Variants in RFX4 observed in about 807,000 individuals in gnomAD.
RFX4 encodes regulatory factor X4.
In RFX4, 10 loss-of-function variants were observed where a neutral mutation model predicts 95.0. That is an observed-to-expected ratio of 0.11 (90% CI 0.06 to 0.18). RFX4 has a LOEUF of 0.18. Ranked by LOEUF, RFX4 falls within the 10% of genes least tolerant of loss-of-function variation. The pLI is 1.00. For missense variants in RFX4, 640 were observed against 922.0 expected (o/e 0.69, Z 3.96); for synonymous variants, 321 against 340.7 (o/e 0.94, Z 0.64).
At chr12:106,646,027 A>T (rs2137297640) in intron 3 of RFX4, 2 of 1,077,420 alleles carry the variant, frequency 1.9e-6, no homozygotes, top group Middle Eastern at 2.3e-4. Context: ...TTTTAAAAAA[A>T]GTATTTTGTG....
chr12:106,621,154 C>T (rs778398376), intron 2 of RFX4, among the ~76,000 whole-genome samples: 5 of 152,000 alleles, frequency 3.3e-5, no homozygotes, highest in Non-Finnish European at 7.4e-5. Context: ...CCTCAGCTTA[C>T]GAATATAACA....
At chr12:106,643,700 T>G (rs2040683321) in intron 3 of RFX4, among the ~76,000 whole-genome samples, 1 of 152,180 alleles carries the variant, frequency 6.6e-6, no homozygotes, top group African/African-American at 2.4e-5. Context: ...CTTTGTCTAA[T>G]TTTCTTCTTC....
intron 3 of RFX4, 150 bp downstream of exon 3, chr12:106,639,542 A>G: frequency 1.4e-6 from 1 of 705,302 alleles, no homozygotes; most frequent in Non-Finnish European, 2.3e-6. Context: ...TATATGTAAA[A>G]TGCTCAACTA....
chr12:106,741,906 T>C (rs2042811952), intron 15 of RFX4, among the ~76,000 whole-genome samples: 1 of 152,176 alleles, frequency 6.6e-6, no homozygotes, highest in Non-Finnish European at 1.5e-5. Context: ...GTGCAGTTCA[T>C]AGGGTTCACA....
At chr12:106,750,571 A>G in intron 16 of RFX4, 84 bp from the exon 17 acceptor site, 1 of 1,294,562 alleles carries the variant, frequency 7.7e-7, no homozygotes. Context: ...AAAGGAAAAA[A>G]AATAGATGAG....
intron 4 of RFX4, among the ~76,000 whole-genome samples, chr12:106,669,657 T>G (rs994882441): frequency 2.6e-5 from 4 of 152,062 alleles, no homozygotes; most frequent in African/African-American, 9.7e-5. Context: ...AGGGCACTCT[T>G]GAGGCATCTT....
intron 17 of RFX4, among the ~76,000 whole-genome samples, chr12:106,753,108 T>C (rs2043039620): frequency 6.6e-6 from 1 of 152,178 alleles, no homozygotes; most frequent in African/African-American, 2.4e-5. Context: ...ACACTTTCCC[T>C]GTCTTTGGCA....
intron 2 of RFX4, among the ~76,000 whole-genome samples, chr12:106,632,013 T>G (rs2040425423): frequency 6.6e-6 from 1 of 152,238 alleles, no homozygotes; most frequent in South Asian, 2.1e-4. Flanking sequence ...ATGTGCTTGG[T>G]ACTATTATTA....
At chr12:106,718,849 G>A (rs761819327) in intron 11 of RFX4, among the ~76,000 whole-genome samples, 5 of 151,730 alleles carry the variant, frequency 3.3e-5, no homozygotes, top group South Asian at 2.1e-4. Context: ...GGTGGTGCAC[G>A]CCTGTAATCC....
intron 3 of RFX4, among the ~76,000 whole-genome samples, chr12:106,653,788 G>T (rs1851737570): frequency 1.3e-5 from 2 of 152,164 alleles, no homozygotes; most frequent in Non-Finnish European, 2.9e-5. Flanking sequence ...GCATTTGTCA[G>T]CCAAGGAGCT....
At chr12:106,733,201 T>C in intron 15 of RFX4, 116 bp downstream of exon 15, 2 of 1,164,782 alleles carry the variant, frequency 1.7e-6, no homozygotes, top group East Asian at 2.4e-5. Context: ...CCAGACATCT[T>C]GGCTCACACC....
intron 3 of RFX4, among the ~76,000 whole-genome samples, chr12:106,642,972 G>A (rs1398701001): frequency 6.6e-6 from 1 of 152,242 alleles, no homozygotes; most frequent in Non-Finnish European, 1.5e-5. Flanking sequence ...GGAATAGACA[G>A]AGGGGGTGTT....
At chr12:106,610,836 A>G (rs2039945486) in intron 2 of RFX4, among the ~76,000 whole-genome samples, 2 of 152,218 alleles carry the variant, frequency 1.3e-5, no homozygotes, top group African/African-American at 2.4e-5. Context: ...ATACCCAGAA[A>G]TGAAATTGTT....
At chr12:106,683,490 A>AC (rs2041571994) in intron 5 of RFX4, 3 of 141,620 alleles carry the variant, frequency 2.1e-5, no homozygotes, top group African/African-American at 7.9e-5. Context: ...AAAAAAAAAA[A>AC]AAAAAACAAA....
intron 1 of RFX4, chr12:106,601,163 G>GCCA: frequency 2.7e-6 from 4 of 1,488,720 alleles, no homozygotes; most frequent in Non-Finnish European, 3.6e-6. Context: ...ACTGACCTGA[G>GCCA]CCACCCCCTG....
At chr12:106,623,900 G>A (rs187252086) in intron 2 of RFX4, among the ~76,000 whole-genome samples, 45 of 152,274 alleles carry the variant, frequency 3.0e-4, no homozygotes, top group South Asian at 1.0e-3. Context: ...AGTAGGCTCC[G>A]GGGTTTATTC....
chr12:106,726,184 G>A (rs985870345), intron 13 of RFX4, among the ~76,000 whole-genome samples: 1 of 150,992 alleles, frequency 6.6e-6, no homozygotes, highest in Admixed American at 6.6e-5. Flanking sequence ...GGAGGCAGAG[G>A]TTGCAGTGAG....
chr12:106,696,286 C>G lies in RFX4; in HGVS notation c.673C>G (p.Gln225Glu), dbSNP rs756595599. 1 of 1,614,168 alleles carries G rather than the reference C, an allele frequency of 6.2e-7. No homozygotes were observed. Among genetic ancestry groups the G allele is most frequent in the Non-Finnish European group, 8.5e-7 (1 of 1,180,004 alleles). The change falls in exon 8 of 18, where the codon CAA becomes GAA. Residue 225 changes from glutamine to glutamate, a missense_variant. Physicochemically the swap from Gln to Glu is conservative, Grantham distance 29 (BLOSUM62 2). Coordinates refer to ENST00000392842, the MANE Select transcript of RFX4 (RefSeq NM_213594.3). The stretch of plus-strand genomic sequence containing the variant: ...TTCTCTCTGTGGGTCAATACAGGTT[C>G]AAAGTTTCCTTCTGCACTTTTGGCA... ...TVIRANFDEVQSFLLHFWQGM... is the reference protein window; with the variant it reads ...TVIRANFDEVESFLLHFWQGM...
At chr12:106,646,876 C>T (rs1394200071) in intron 3 of RFX4, among the ~76,000 whole-genome samples, 1 of 152,198 alleles carries the variant, frequency 6.6e-6, no homozygotes, top group African/African-American at 2.4e-5. Context: ...AGCTGAAGTC[C>T]CCTGAGAAAT....
Sources: allele counts gnomAD v4.1 joint callset (sites outside exome capture counted in the v4.1 genomes callset), GRCh38; gene constraint gnomAD v4.1.1; transcripts MANE v1.5; gene names NCBI Gene and HGNC (gene_info 2026-07-23, HGNC 2026-07-21).